Variants in FHIT observed in about 807,000 individuals in gnomAD.
FHIT encodes fragile histidine triad diadenosine triphosphatase.
In FHIT, 19 loss-of-function variants were observed where a neutral mutation model predicts 17.9. The ratio of observed to expected loss-of-function variants is 1.06; its 90% confidence interval spans 0.74 to 1.56. The LOEUF is 1.56. Among genes scored for constraint, FHIT ranks in the 40% most tolerant of loss-of-function variants. The pLI is 0.00. For missense variants in FHIT, 248 were observed against 189.2 expected (o/e 1.31, Z -1.82); for synonymous variants, 81 against 69.7 (o/e 1.16, Z -0.81).
chr3:60,895,680 T>A (rs1398057781), intron 3 of FHIT, among the ~76,000 whole-genome samples: 2 of 69,208 alleles, frequency 2.9e-5, no homozygotes, highest in African/African-American at 9.1e-5. Context: ...CTTTCTTTCT[T>A]TCTTTCTTTC....
At chr3:60,345,678 T>C (rs1710740509) in intron 5 of FHIT, among the ~76,000 whole-genome samples, 2 of 152,174 alleles carry the variant, frequency 1.3e-5, no homozygotes, top group African/African-American at 4.8e-5. Context: ...TACCTTCCAT[T>C]ATGGACCTTT....
At chr3:61,044,994 GAA>G (rs1242874204) in intron 2 of FHIT, among the ~76,000 whole-genome samples, 1 of 152,148 alleles carries the variant, frequency 6.6e-6, no homozygotes, top group Non-Finnish European at 1.5e-5. Context: ...ACTAAACATG[GAA>G]AGGAACAACC....
intron 7 of FHIT, among the ~76,000 whole-genome samples, chr3:59,987,433 G>C (rs3772496): frequency 0.41 from 62,730 of 151,532 alleles, 13,636 homozygotes; most frequent in Non-Finnish European, 0.48. Flanking sequence ...GGTTTCCCAA[G>C]TCCAACTTGA....
intron 4 of FHIT, among the ~76,000 whole-genome samples, chr3:60,555,505 G>A (rs1371227115): frequency 1.3e-5 from 2 of 152,122 alleles, no homozygotes; most frequent in Admixed American, 6.6e-5. Flanking sequence ...CTTTTTCATT[G>A]CTTGACAAAT....
At position 60,349,987 on chromosome 3, in the gene FHIT, G is replaced by A. The variant is rs189684003; in HGVS notation, c.103+186873C>T. 3.6e-3 allele frequency among the ~76,000 whole-genome samples: 555 copies of A among 152,226 alleles called. 8 individuals carry two copies. The highest frequency in any genetic ancestry group is 0.013 in the African/African-American group (535 of 41,536). On this transcript the variant is annotated intron_variant, in intron 5 of 9. Coordinates refer to ENST00000492590, the MANE Select transcript of FHIT (RefSeq NM_002012.4). ...CTGGAACAGCTAAAATTAAGGCAGTGGAGATCATTAGTTTGATAAAACAAT... is the reference window on the plus strand; with the variant it reads ...CTGGAACAGCTAAAATTAAGGCAGTAGAGATCATTAGTTTGATAAAACAAT...
chr3:60,429,295 TA>T (rs551760655), intron 5 of FHIT, among the ~76,000 whole-genome samples: 10 of 151,622 alleles, frequency 6.6e-5, no homozygotes, highest in South Asian at 2.1e-4. Context: ...AGTAATGAAA[TA>T]AAAAAAAGTC....
Position 61,123,960 on chromosome 3 carries a change from T to G in FHIT, c.-164+76657A>C, listed in dbSNP as rs543950553. 2.6e-5 allele frequency among the ~76,000 whole-genome samples: 4 copies of G among 152,270 alleles called. No individual in the cohort carries two copies. In the South Asian group the frequency reaches 8.3e-4, roughly 32 times the overall value. On this transcript the variant is annotated intron_variant, in intron 2 of 9. Transcript: ENST00000492590. Reference sequence around the variant, plus strand: ...CATAGTATCAAAAGCATCTAGTCTCTTCTTGAGCCATCAGCCCATTCTTGT... The same window carrying G: ...CATAGTATCAAAAGCATCTAGTCTCGTCTTGAGCCATCAGCCCATTCTTGT...
At chr3:60,988,671 G>A (rs1417918381) in intron 3 of FHIT, among the ~76,000 whole-genome samples, 1 of 152,048 alleles carries the variant, frequency 6.6e-6, no homozygotes, top group Non-Finnish European at 1.5e-5. Flanking sequence ...GGCATGGGCT[G>A]GGAACCTGGA....
chr3:59,931,790 A>G (rs765020159), intron 7 of FHIT, among the ~76,000 whole-genome samples: 11 of 152,140 alleles, frequency 7.2e-5, no homozygotes, highest in Non-Finnish European at 1.0e-4. Flanking sequence ...TGGTGCTCCA[A>G]TTGTGAGTTA....
At chr3:61,064,861 A>C (rs143710993) in intron 2 of FHIT, among the ~76,000 whole-genome samples, 1 of 152,128 alleles carries the variant, frequency 6.6e-6, no homozygotes, top group Non-Finnish European at 1.5e-5. Flanking sequence ...GTCTTTACCC[A>C]CAACTGATAT....
chr3:60,545,461 T>C (rs2107614661), intron 4 of FHIT, among the ~76,000 whole-genome samples: 1 of 152,340 alleles, frequency 6.6e-6, no homozygotes, highest in African/African-American at 2.4e-5. Flanking sequence ...GCTTATAGGA[T>C]TCCAGACTTA....
chr3:60,720,597 C>T (rs545509037), intron 4 of FHIT, among the ~76,000 whole-genome samples: 1 of 152,254 alleles, frequency 6.6e-6, no homozygotes, highest in South Asian at 2.1e-4. Flanking sequence ...GGAAATGTTA[C>T]ACTTCTCAAT....
At chr3:61,170,135 A>G (rs1014700357) in intron 2 of FHIT, among the ~76,000 whole-genome samples, 3 of 152,198 alleles carry the variant, frequency 2.0e-5, no homozygotes, top group Admixed American at 1.3e-4. Context: ...GGGCAAGGAG[A>G]AAATCTTCAT....
chr3:60,570,576 A>T (rs2037340636), intron 4 of FHIT, among the ~76,000 whole-genome samples: 1 of 152,022 alleles, frequency 6.6e-6, no homozygotes, highest in Admixed American at 6.6e-5. Flanking sequence ...CCCCTTTGTG[A>T]AATCTTTTCC....
intron 5 of FHIT, among the ~76,000 whole-genome samples, chr3:60,217,021 G>A (rs10510832): frequency 0.047 from 7,174 of 152,210 alleles, 590 homozygotes; most frequent in African/African-American, 0.16. Context: ...AAGTGTGATA[G>A]TTTCACCAGC....
chr3:60,092,472 G>C (rs1165476317), intron 5 of FHIT, among the ~76,000 whole-genome samples: 3 of 152,162 alleles, frequency 2.0e-5, no homozygotes, highest in Non-Finnish European at 4.4e-5. Flanking sequence ...TCAAAATCAT[G>C]CTTTTACAAT....
At chr3:60,471,339 A>C (rs1251407996) in intron 5 of FHIT, among the ~76,000 whole-genome samples, 3 of 152,156 alleles carry the variant, frequency 2.0e-5, no homozygotes, top group African/African-American at 7.2e-5. Flanking sequence ...AGAACTTCAG[A>C]GCACTTTAGC....
In FHIT at chr3:59,747,379, A is replaced by G. The variant is rs1360946156; in HGVS notation, c.*2206T>C. 6.6e-6 allele frequency among the ~76,000 whole-genome samples: 1 copy of G among 152,112 alleles called. No homozygotes were observed. The highest frequency in any genetic ancestry group is 1.9e-4 in the East Asian group (1 of 5,174). On this transcript the variant is annotated 3_prime_UTR_variant, in exon 10 of 10. Transcript: ENST00000492590. ...TGGCAGCAGGCAAGACAGCGTATTCAGGGGAAATGTCCTTTATAAAACCAT... is the reference window on the plus strand; with the variant it reads ...TGGCAGCAGGCAAGACAGCGTATTCGGGGGAAATGTCCTTTATAAAACCAT...
intron 4 of FHIT, among the ~76,000 whole-genome samples, chr3:60,689,406 C>A (rs180802279): frequency 6.6e-6 from 1 of 152,280 alleles, no homozygotes; most frequent in African/African-American, 2.4e-5. Context: ...ATTTATATAG[C>A]ATTTACACTG....
Sources: gnomAD v4.1 joint callset for allele counts (sites outside exome capture counted in the v4.1 genomes callset) on GRCh38, gnomAD v4.1.1 for gene constraint, MANE v1.5 for transcripts, NCBI Gene and HGNC (gene_info 2026-07-23, HGNC 2026-07-21) for gene names.